GULP1: variants seen among roughly 807,000 people sequenced by gnomAD.
GULP1 encodes the protein PTB domain-containing engulfment adapter protein 1.
In GULP1, 19 loss-of-function variants were observed where a neutral mutation model predicts 40.9. That is an observed-to-expected ratio of 0.46 (90% CI 0.32 to 0.68). GULP1 has a LOEUF of 0.68. Among genes scored for constraint, GULP1 ranks in the 30% least tolerant of loss-of-function variants. The pLI, the probability that GULP1 is intolerant of heterozygous loss-of-function variation, is 0.03. For missense variants in GULP1, 312 were observed against 362.2 expected (o/e 0.86, Z 1.12); for synonymous variants, 119 against 117.6 (o/e 1.01, Z -0.08).
chr2:188,444,826 G>T (rs1350974897), intron 2 of GULP1, among the ~76,000 whole-genome samples: 1 of 152,122 alleles, frequency 6.6e-6, no homozygotes, highest in Non-Finnish European at 1.5e-5. Context: ...TTTAGACAGA[G>T]TTTACTAAAA....
intron 1 of GULP1, among the ~76,000 whole-genome samples, chr2:188,294,650 G>C (rs1184735147): frequency 6.6e-6 from 1 of 152,126 alleles, no homozygotes; most frequent in African/African-American, 2.4e-5. Context: ...TTAAGAGTTT[G>C]AGATTGTGAA....
chr2:188,579,408 G>A (rs2153452141), intron 9 of GULP1, among the ~76,000 whole-genome samples: 1 of 151,868 alleles, frequency 6.6e-6, no homozygotes, highest in East Asian at 1.9e-4. Context: ...AATTTCTATT[G>A]ATACATATTA....
intron 1 of GULP1, among the ~76,000 whole-genome samples, chr2:188,359,123 T>G: frequency 6.6e-6 from 1 of 152,172 alleles, no homozygotes. Context: ...TGGATTTGGA[T>G]AGTAAACATA....
chr2:188,472,652 CTCTT>C (rs1240176882), intron 2 of GULP1, among the ~76,000 whole-genome samples: 2 of 152,124 alleles, frequency 1.3e-5, no homozygotes, highest in African/African-American at 4.8e-5. Context: ...TTATTTCAAT[CTCTT>C]TCTTTAATTT....
chr2:188,358,187 C>T (rs2045612920), intron 1 of GULP1, among the ~76,000 whole-genome samples: 1 of 151,270 alleles, frequency 6.6e-6, no homozygotes, highest in Admixed American at 6.6e-5. Flanking sequence ...TCTCAAACAA[C>T]AACAACAACA....
At chr2:188,488,642 G>A (rs896232207) in intron 4 of GULP1, among the ~76,000 whole-genome samples, 1 of 151,954 alleles carries the variant, frequency 6.6e-6, no homozygotes, top group South Asian at 2.1e-4. Flanking sequence ...TACTTGCAGT[G>A]ACCACTCTGA....
intron 4 of GULP1, among the ~76,000 whole-genome samples, chr2:188,489,654 CT>C (rs2153088365): frequency 6.6e-6 from 1 of 152,024 alleles, no homozygotes; most frequent in African/African-American, 2.4e-5. Context: ...AATTTGGGAT[CT>C]GTTATCACTT....
intron 1 of GULP1, among the ~76,000 whole-genome samples, chr2:188,380,448 ATG>A (rs2048869590): frequency 6.6e-6 from 1 of 152,164 alleles, no homozygotes; most frequent in Non-Finnish European, 1.5e-5. Context: ...ATTTAACTGC[ATG>A]TAGGTGGTAA....
At chr2:188,495,846 G>GA (rs1038763431) in intron 4 of GULP1, among the ~76,000 whole-genome samples, 16 of 151,170 alleles carry the variant, frequency 1.1e-4, no homozygotes, top group African/African-American at 2.9e-4. Context: ...TTATTACACG[G>GA]AAAAAAAAGC....
chr2:188,496,650 G>C (rs2062923848), intron 4 of GULP1, among the ~76,000 whole-genome samples: 1 of 151,944 alleles, frequency 6.6e-6, no homozygotes, highest in South Asian at 2.1e-4. Context: ...GCTTGTGTGT[G>C]AGTGTGGACA....
intron 1 of GULP1, among the ~76,000 whole-genome samples, chr2:188,376,899 C>T (rs1224455532): frequency 2.0e-5 from 3 of 152,192 alleles, no homozygotes; most frequent in African/African-American, 4.8e-5. Context: ...TTGGGCCGGG[C>T]GCAGTGGCTC....
chr2:188,367,805 A>G (rs1018274146), intron 1 of GULP1, among the ~76,000 whole-genome samples: 2 of 152,138 alleles, frequency 1.3e-5, no homozygotes, highest in Non-Finnish European at 1.5e-5. Flanking sequence ...ACCTGTCAGA[A>G]GAGTGATCAG....
At chr2:188,578,390 G>C (rs1252470367) in intron 9 of GULP1, among the ~76,000 whole-genome samples, 1 of 151,842 alleles carries the variant, frequency 6.6e-6, no homozygotes, top group Non-Finnish European at 1.5e-5. Flanking sequence ...AAAGGGGAGG[G>C]AGAGCATTAG....
intron 1 of GULP1, among the ~76,000 whole-genome samples, chr2:188,306,795 C>T (rs1020488077): frequency 1.2e-4 from 19 of 152,208 alleles, no homozygotes; most frequent in South Asian, 2.1e-4. Context: ...TCATCATCTA[C>T]GTTTTAGAAA....
intron 7 of GULP1, among the ~76,000 whole-genome samples, chr2:188,554,691 G>T (rs1694315146): frequency 6.6e-6 from 1 of 151,680 alleles, no homozygotes; most frequent in Non-Finnish European, 1.5e-5. Flanking sequence ...AAATTTGGAG[G>T]TTTTTGTTAT....
intron 2 of GULP1, among the ~76,000 whole-genome samples, chr2:188,392,620 T>G (rs1406689298): frequency 3.9e-5 from 6 of 152,106 alleles, no homozygotes; most frequent in Non-Finnish European, 7.4e-5. Context: ...CATTATTCCT[T>G]ATCTTCTGCT....
intron 2 of GULP1, among the ~76,000 whole-genome samples, chr2:188,389,068 C>T (rs1195814802): frequency 2.6e-5 from 4 of 152,016 alleles, no homozygotes; most frequent in South Asian, 4.1e-4. Flanking sequence ...AGCAGTTAAG[C>T]GGGGATTAAA....
At chr2:188,502,797 T>C (rs2063552778) in intron 4 of GULP1, among the ~76,000 whole-genome samples, 1 of 151,958 alleles carries the variant, frequency 6.6e-6, no homozygotes, top group African/African-American at 2.4e-5. Flanking sequence ...TGAGATTGGG[T>C]AAGTTATAAA....
At chr2:188,553,990 C>A (rs865946857) in intron 7 of GULP1, among the ~76,000 whole-genome samples, 6 of 151,880 alleles carry the variant, frequency 4.0e-5, no homozygotes, top group African/African-American at 1.2e-4. Flanking sequence ...TTTCTGTGAT[C>A]AGTTGTTACA....
Sources: allele counts gnomAD v4.1 joint callset (sites outside exome capture counted in the v4.1 genomes callset), GRCh38; gene constraint gnomAD v4.1.1; transcripts MANE v1.5; gene names NCBI Gene and HGNC (gene_info 2026-07-23, HGNC 2026-07-21).